The following SNX27 variants were observed in gnomAD, a reference collection of about 807,000 sequenced individuals.
The protein encoded by SNX27 is sorting nexin 27, also known as sorting nexin-27.
In SNX27, 22 loss-of-function variants were observed where a neutral mutation model predicts 71.6. That is an observed-to-expected ratio of 0.31 (90% CI 0.22 to 0.44). The LOEUF (loss-of-function observed/expected upper bound fraction) is 0.44, where lower values mean the gene tolerates loss of function less well. Ranked by LOEUF, SNX27 falls within the 20% of genes least tolerant of loss-of-function variation. SNX27 has a pLI of 1.00. For synonymous variants in SNX27, 269 were observed against 277.2 expected, an observed-to-expected ratio of 0.97 and a Z score of 0.29; for missense variants, 531 against 698.6, an observed-to-expected ratio of 0.76 and a Z score of 2.70.
intron 7 of SNX27, among the ~76,000 whole-genome samples, chr1:151,682,434 G>A (rs1671008561): frequency 2.0e-5 from 3 of 152,150 alleles, no homozygotes; most frequent in Admixed American, 2.0e-4. Context: ...CGATTGTCCT[G>A]CCTCAGCCTC....
intron 1 of SNX27, among the ~76,000 whole-genome samples, chr1:151,613,715 A>G (rs1004845422): frequency 2.6e-4 from 39 of 150,942 alleles, no homozygotes; most frequent in Admixed American, 1.8e-3. Flanking sequence ...CACCGCCTCC[A>G]TTACCCTAAT....
At chr1:151,691,777 G>T (rs956153646) in intron 8 of SNX27, among the ~76,000 whole-genome samples, 4 of 152,084 alleles carry the variant, frequency 2.6e-5, no homozygotes, top group Non-Finnish European at 4.4e-5. Flanking sequence ...GCCTCTCAAA[G>T]TGTTGGGATT....
chr1:151,693,316 T>G, intron 10 of SNX27, 108 bp from the exon 11 acceptor site: 1 of 1,188,596 alleles, frequency 8.4e-7, no homozygotes, highest in Non-Finnish European at 1.2e-6. Flanking sequence ...AGGGTTTTTC[T>G]CTAGACTGAG....
At chr1:151,649,520 C>T (rs1482736466) in intron 2 of SNX27, among the ~76,000 whole-genome samples, 2 of 152,160 alleles carry the variant, frequency 1.3e-5, no homozygotes, top group African/African-American at 4.8e-5. Flanking sequence ...AAGGTTGAGG[C>T]TGCAGTGAGC....
chr1:151,614,187 AAAAG>A (rs1667325214), intron 1 of SNX27: 2 of 152,188 alleles, frequency 1.3e-5, no homozygotes, highest in South Asian at 4.2e-4. Context: ...GAAAAAAAAA[AAAAG>A]AAATAGTTGC....
chr1:151,651,530 C>T (rs1218776110), intron 2 of SNX27, among the ~76,000 whole-genome samples: 6 of 148,406 alleles, frequency 4.0e-5, no homozygotes, highest in African/African-American at 1.2e-4. Context: ...TCAGACGGGG[C>T]GGCCGGGCAG....
intron 1 of SNX27, among the ~76,000 whole-genome samples, chr1:151,633,661 A>G (rs1325159213): frequency 2.0e-5 from 3 of 152,192 alleles, no homozygotes; most frequent in Non-Finnish European, 4.4e-5. Context: ...TTTGATTTCT[A>G]CCACTAAAGA....
intron 1 of SNX27, among the ~76,000 whole-genome samples, chr1:151,634,834 A>G (rs1668399371): frequency 1.3e-5 from 2 of 152,214 alleles, no homozygotes; most frequent in East Asian, 1.9e-4. Flanking sequence ...CCTAGATTCT[A>G]TAATTACATT....
In SNX27 at chr1:151,625,846, G is replaced by GC. The variant is rs139829541; in HGVS notation, c.312-13041dup. ...ACCTGTAATCCCTGCTGCTCGGGAG[G>GC]CTGAGGCAGGAGAATTGCTTGAGCC... is the stretch of plus-strand genomic sequence containing the variant. On this transcript the variant is annotated intron_variant, in intron 1 of 11. Coordinates refer to ENST00000458013, the MANE Select transcript of SNX27 (RefSeq NM_001330723.2). Among the ~76,000 whole-genome samples, 149 of 152,036 alleles carry GC rather than the reference G, an allele frequency of 9.8e-4. 3 individuals carry two copies. In the East Asian group the frequency reaches 0.025, roughly 26 times the overall value.
chr1:151,612,265 G>A lies in SNX27; in HGVS notation c.64G>A (p.Gly22Ser). Residue 22 changes from glycine to serine, a missense_variant, in exon 1 of 12, where the codon GGC becomes AGC. This residue lies in a region of SNX27 where 130 missense variants were observed against 143.5 expected (regional missense o/e 0.91). Coordinates refer to ENST00000458013, the MANE Select transcript of SNX27 (RefSeq NM_001330723.2). The surrounding 1 kb of genome is among the most constrained non-coding windows in gnomAD (Gnocchi z 5.2). ...CCCTCACAGGAACGGAGGTGGCGGC[G>A]GCGGCGGGGGGTCTGGGCTCCACTG... ...SAPHRNGGGGGGGGSGLHCAG... is the reference protein window; with the variant it reads ...SAPHRNGGGGSGGGSGLHCAG... 1 of 1,451,140 alleles carries A rather than the reference G, an allele frequency of 6.9e-7. No individual in the cohort carries two copies. Among genetic ancestry groups the A allele is most frequent in the South Asian group, 1.4e-5 (1 of 71,360 alleles). 89.9% of individuals were successfully genotyped at this position (1,451,140 alleles called of 1,614,324 possible).
At chr1:151,693,078 G>GT (rs757546210) in intron 10 of SNX27, 39 bp downstream of exon 10, 31 of 1,585,514 alleles carry the variant, frequency 2.0e-5, no homozygotes, top group South Asian at 4.7e-5. Flanking sequence ...GACTTAGTTT[G>GT]TTTTTTTGTT....
At chr1:151,669,443 A>G (rs1436501226) in intron 7 of SNX27, 1 of 152,158 alleles carries the variant, frequency 6.6e-6, no homozygotes, top group Non-Finnish European at 1.5e-5. Context: ...ACTTACAATT[A>G]ATTTAGCTCC....
chr1:151,692,432 T>TTTTTTTAAAA lies in SNX27; in HGVS notation c.1240-3_1240-2insTTTTTTAAAA. On this transcript the variant is annotated splice_polypyrimidine_tract_variant and splice_region_variant and intron_variant, in intron 8 of 11. Coordinates refer to ENST00000458013, the MANE Select transcript of SNX27 (RefSeq NM_001330723.2). Reference sequence around the variant, plus strand: ...TTTTTTTTTTTTTTTTTTTTTTTTTTAGTACCTCAACATGCTAAGGACTTG... The same window carrying TTTTTTTAAAA: ...TTTTTTTTTTTTTTTTTTTTTTTTTTTTTTTTAAAAAGTACCTCAACATGCTAAGGACTTG... 2 of 1,452,070 alleles carry TTTTTTTAAAA rather than the reference T, an allele frequency of 1.4e-6. No homozygotes were observed. The highest frequency in any genetic ancestry group is 2.5e-5 in the Admixed American group (1 of 39,708). 89.9% of individuals were successfully genotyped at this position (1,452,070 alleles called of 1,614,324 possible). A position where few individuals can be genotyped will look rare whatever the true frequency, so the allele number is the denominator to read the frequency against.
intron 8 of SNX27, among the ~76,000 whole-genome samples, chr1:151,687,974 A>C (rs901347917): frequency 9.9e-5 from 15 of 151,764 alleles, no homozygotes; most frequent in African/African-American, 3.1e-4. Context: ...CGAAAAACAA[A>C]AAAAAAAACT....
At chr1:151,615,294 A>G (rs1471075791) in intron 1 of SNX27, among the ~76,000 whole-genome samples, 2 of 152,036 alleles carry the variant, frequency 1.3e-5, no homozygotes, top group Non-Finnish European at 2.9e-5. Context: ...TGATAATTAC[A>G]GCCCAAAGCC....
At chr1:151,671,576 G>A (rs1279268494) in intron 7 of SNX27, among the ~76,000 whole-genome samples, 1 of 151,652 alleles carries the variant, frequency 6.6e-6, no homozygotes, top group African/African-American at 2.4e-5. Flanking sequence ...GGCTATTCTG[G>A]GTCTTTGGTG....
intron 1 of SNX27, among the ~76,000 whole-genome samples, chr1:151,630,613 AT>A (rs1221130146): frequency 2.0e-5 from 3 of 152,232 alleles, no homozygotes; most frequent in Admixed American, 2.0e-4. Context: ...CAGAATGGAA[AT>A]TTTGTTTAAA....
rs747022780 is a variant in SNX27 at position 151,612,472 on chromosome 1, G to A, written c.271G>A (p.Asp91Asn). The change falls in exon 1 of 12, where the codon GAT becomes AAT. Residue 91 changes from aspartate (D) to asparagine (N), a missense_variant. This residue lies in a region of SNX27 where 130 missense variants were observed against 143.5 expected (regional missense o/e 0.91). Coordinates refer to ENST00000458013, the MANE Select transcript of SNX27 (RefSeq NM_001330723.2). This position sits in a 1 kb window ranked among gnomAD's most constrained non-coding sequence, Gnocchi z 5.2. ...VSAVLPGGAA[D>N]RAGVRKGDRI... is the part of the protein sequence containing the mutation. ...CGCCGTGCTGCCCGGGGGGGCGGCC[G>A]ATCGGGCCGGGGTGCGCAAGGGGGA... 2 of 1,418,766 alleles carry A rather than the reference G, an allele frequency of 1.4e-6. No homozygotes were observed. Among genetic ancestry groups the A allele is most frequent in the Non-Finnish European group, 9.2e-7 (1 of 1,088,726 alleles). 87.9% of individuals were successfully genotyped at this position (1,418,766 alleles called of 1,614,324 possible).
At chr1:151,627,513 G>C (rs1398308848) in intron 1 of SNX27, among the ~76,000 whole-genome samples, 1 of 152,154 alleles carries the variant, frequency 6.6e-6, no homozygotes, top group African/African-American at 2.4e-5. Flanking sequence ...TCTTGTCACA[G>C]TCTGGGATTC....
Sources: allele counts gnomAD v4.1 joint callset (sites outside exome capture counted in the v4.1 genomes callset), GRCh38; gene constraint gnomAD v4.1.1; regional missense constraint gnomAD v4.1.1; non-coding constraint Gnocchi (gnomAD v3.1); transcripts MANE v1.5; gene names NCBI Gene and HGNC (gene_info 2026-07-23, HGNC 2026-07-21).